GPC5: variants seen among roughly 807,000 people sequenced by gnomAD.
The protein encoded by GPC5 is glypican-5.
Under a neutral mutation model 53.9 loss-of-function variants are expected in GPC5, and 47 were observed. The observed-to-expected ratio is 0.87, with a 90% confidence interval of 0.69 to 1.11. GPC5 has a LOEUF of 1.11. Ranked by LOEUF, GPC5 falls within the 50% of genes most tolerant of loss-of-function variation. GPC5 has a pLI of 0.00. For missense variants in GPC5, 748 were observed against 713.1 expected, an observed-to-expected ratio of 1.05 and a Z score of -0.56; for synonymous variants, 286 against 263.3, an observed-to-expected ratio of 1.09 and a Z score of -0.84.
chr13:92,166,131 C>T (rs2042025767), intron 7 of GPC5, among the ~76,000 whole-genome samples: 1 of 152,140 alleles, frequency 6.6e-6, no homozygotes, highest in East Asian at 1.9e-4. Context: ...AAATATTAGT[C>T]TAAATACCTG....
At chr13:92,181,178 C>T (rs1015999257) in intron 7 of GPC5, among the ~76,000 whole-genome samples, 1 of 151,986 alleles carries the variant, frequency 6.6e-6, no homozygotes, top group Non-Finnish European at 1.5e-5. Flanking sequence ...AATAGCTAGT[C>T]TTTAAAGTTT....
chr13:91,973,303 G>C (rs1322233408), intron 6 of GPC5, among the ~76,000 whole-genome samples: 3 of 152,058 alleles, frequency 2.0e-5, no homozygotes, highest in South Asian at 2.1e-4. Flanking sequence ...CTCGAGCCTT[G>C]GCTTTCAGCT....
intron 7 of GPC5, among the ~76,000 whole-genome samples, chr13:92,693,445 G>A (rs1434000268): frequency 1.3e-5 from 2 of 152,102 alleles, no homozygotes; most frequent in Admixed American, 1.3e-4. Context: ...AGGCTGAGGT[G>A]GTCTCAGGTG....
chr13:92,617,037 A>G (rs1279238174), intron 7 of GPC5, among the ~76,000 whole-genome samples: 1 of 152,256 alleles, frequency 6.6e-6, no homozygotes, highest in Admixed American at 6.5e-5. Context: ...TGGGATATTT[A>G]AATAAATCAG....
intron 2 of GPC5, among the ~76,000 whole-genome samples, chr13:91,501,933 C>T (rs2139298411): frequency 6.6e-6 from 1 of 152,316 alleles, no homozygotes; most frequent in East Asian, 1.9e-4. Flanking sequence ...GTAATGATCG[C>T]CATTTTAACT....
At chr13:92,603,565 C>T (rs1341363336) in intron 7 of GPC5, among the ~76,000 whole-genome samples, 2 of 152,184 alleles carry the variant, frequency 1.3e-5, no homozygotes, top group Non-Finnish European at 2.9e-5. Flanking sequence ...CGAGGCACAA[C>T]ACAACTTGCC....
intron 7 of GPC5, among the ~76,000 whole-genome samples, chr13:92,478,218 A>T (rs765907041): frequency 4.6e-5 from 7 of 152,170 alleles, no homozygotes; most frequent in Non-Finnish European, 1.0e-4. Flanking sequence ...ATAGAGAAAA[A>T]ATATTATGTG....
chr13:92,272,441 A>G (rs544904774), intron 7 of GPC5, among the ~76,000 whole-genome samples: 1 of 152,290 alleles, frequency 6.6e-6, no homozygotes, highest in Admixed American at 6.5e-5. Flanking sequence ...ATGAAATAGA[A>G]TTGATATTTC....
intron 2 of GPC5, among the ~76,000 whole-genome samples, chr13:91,628,907 T>A (rs1566565514): frequency 1.3e-5 from 2 of 152,078 alleles, no homozygotes; most frequent in South Asian, 4.1e-4. Context: ...CTGACACAGT[T>A]TAAGTAGCAG....
intron 6 of GPC5, among the ~76,000 whole-genome samples, chr13:91,918,739 T>A (rs559429593): frequency 6.6e-6 from 1 of 152,326 alleles, no homozygotes; most frequent in Non-Finnish European, 1.5e-5. Context: ...GTTGCTTACC[T>A]CTTTCTCTTT....
intron 7 of GPC5, among the ~76,000 whole-genome samples, chr13:92,494,736 A>G (rs1249736836): frequency 6.6e-6 from 1 of 152,164 alleles, no homozygotes; most frequent in Non-Finnish European, 1.5e-5. Flanking sequence ...CTGGTAAAAA[A>G]GCTTTGGTTA....
At chr13:91,974,965 G>C (rs192233346) in intron 6 of GPC5, among the ~76,000 whole-genome samples, 1 of 152,010 alleles carries the variant, frequency 6.6e-6, no homozygotes, top group Non-Finnish European at 1.5e-5. Flanking sequence ...AAATAATGCC[G>C]CATATCTACA....
At chr13:92,827,428 C>T (rs1877888958) in intron 7 of GPC5, among the ~76,000 whole-genome samples, 1 of 151,982 alleles carries the variant, frequency 6.6e-6, no homozygotes, top group Non-Finnish European at 1.5e-5. Flanking sequence ...GAGGCGATGA[C>T]CTAGAAGAAA....
intron 3 of GPC5, among the ~76,000 whole-genome samples, chr13:91,712,396 G>T (rs1413955790): frequency 6.6e-6 from 1 of 151,696 alleles, no homozygotes; most frequent in African/African-American, 2.4e-5. Context: ...ATATGTGTGT[G>T]TGTGTGTATA....
chr13:92,174,866 T>G (rs892275390), intron 7 of GPC5, among the ~76,000 whole-genome samples: 1 of 152,248 alleles, frequency 6.6e-6, no homozygotes, highest in African/African-American at 2.4e-5. Flanking sequence ...CCTTCATTTT[T>G]GAGACAGAGT....
chr13:92,828,007 A>C (rs1877911012), intron 7 of GPC5, among the ~76,000 whole-genome samples: 1 of 152,138 alleles, frequency 6.6e-6, no homozygotes, highest in South Asian at 2.1e-4. Context: ...GGATCCATAC[A>C]TTACACACAC....
At chr13:92,381,718 C>T (rs1312016714) in intron 7 of GPC5, among the ~76,000 whole-genome samples, 1 of 151,336 alleles carries the variant, frequency 6.6e-6, no homozygotes, top group African/African-American at 2.4e-5. Context: ...TATAGCAGCA[C>T]AATTCACAAT....
intron 2 of GPC5, among the ~76,000 whole-genome samples, chr13:91,608,837 A>G (rs1178759720): frequency 1.3e-5 from 2 of 151,438 alleles, no homozygotes; most frequent in East Asian, 4.0e-4. Context: ...TTTCAATGGT[A>G]TTTGCTGTTA....
At chr13:92,165,627 C>T (rs1248376012) in intron 7 of GPC5, among the ~76,000 whole-genome samples, 1 of 152,182 alleles carries the variant, frequency 6.6e-6, no homozygotes, top group Non-Finnish European at 1.5e-5. Flanking sequence ...CCCCGTGATT[C>T]CGTCACCTCT....
Sources: allele counts gnomAD v4.1 joint callset (sites outside exome capture counted in the v4.1 genomes callset), GRCh38; gene constraint gnomAD v4.1.1; transcripts MANE v1.5; gene names NCBI Gene and HGNC (gene_info 2026-07-23, HGNC 2026-07-21).